The following ZMAT4 variants were observed in gnomAD, a reference collection of about 807,000 sequenced individuals.
ZMAT4 encodes the protein zinc finger matrin-type protein 4.
ZMAT4 carries 17 observed loss-of-function variants against 28.7 expected under a neutral mutation model. The ratio of observed to expected loss-of-function variants is 0.59; its 90% confidence interval spans 0.41 to 0.89. The LOEUF is 0.89. Ranked by LOEUF, ZMAT4 falls within the 40% of genes least tolerant of loss-of-function variation. The pLI is 0.00. For synonymous variants in ZMAT4, 117 were observed against 109.2 expected (o/e 1.07, Z -0.44); for missense variants, 240 against 283.8 (o/e 0.85, Z 1.11).
rs192671713 is a variant in ZMAT4, at chr8:40,806,057, A to G, written c.102+19518T>C. 4.7e-3 allele frequency among the ~76,000 whole-genome samples: 718 copies of G among 152,302 alleles called. 2 individuals carry two copies. Among genetic ancestry groups the G allele is most frequent in the African/African-American group, 0.016 (684 of 41,588 alleles). On this transcript the variant is annotated intron_variant, in intron 2 of 6. Coordinates refer to ENST00000297737, the MANE Select transcript of ZMAT4 (RefSeq NM_024645.3). ...AAAATATATCTTAATTGTTATCACG[A>G]AAAAGGGGAACATTTCATCTTTATA... is the stretch of plus-strand genomic sequence containing the variant.
At chr8:40,658,878 A>T (rs942147991) in intron 5 of ZMAT4, among the ~76,000 whole-genome samples, 1 of 151,968 alleles carries the variant, frequency 6.6e-6, no homozygotes, top group Non-Finnish European at 1.5e-5. Context: ...CTTATTCCAA[A>T]TGTTCACCTC....
At chr8:40,660,232 C>T (rs529681735) in intron 5 of ZMAT4, among the ~76,000 whole-genome samples, 2 of 152,228 alleles carry the variant, frequency 1.3e-5, no homozygotes, top group African/African-American at 4.8e-5. Flanking sequence ...CGGTAAGTAA[C>T]ATTTCTATTG....
chr8:40,563,948 A>G (rs1168219706), intron 6 of ZMAT4, among the ~76,000 whole-genome samples: 1 of 152,094 alleles, frequency 6.6e-6, no homozygotes, highest in South Asian at 2.1e-4. Flanking sequence ...GGGGAAACCA[A>G]TGAGTTTCCA....
At chr8:40,564,935 A>G (rs1803864046) in intron 6 of ZMAT4, among the ~76,000 whole-genome samples, 1 of 152,216 alleles carries the variant, frequency 6.6e-6, no homozygotes, top group Admixed American at 6.5e-5. Flanking sequence ...AGAACATTAA[A>G]GCAGTTCTTG....
chr8:40,644,283 A>G (rs1389824495), intron 5 of ZMAT4, among the ~76,000 whole-genome samples: 3 of 152,184 alleles, frequency 2.0e-5, no homozygotes, highest in African/African-American at 7.2e-5. Flanking sequence ...ATTCTCCAGA[A>G]AAAAAGGACT....
At chr8:40,869,944 T>A (rs753274241) in intron 1 of ZMAT4, among the ~76,000 whole-genome samples, 2 of 152,102 alleles carry the variant, frequency 1.3e-5, no homozygotes, top group African/African-American at 4.8e-5. Context: ...GTTTCCAATT[T>A]TCCACATGTT....
At chr8:40,857,175 G>A (rs745497151) in intron 1 of ZMAT4, among the ~76,000 whole-genome samples, 2 of 152,038 alleles carry the variant, frequency 1.3e-5, no homozygotes, top group Non-Finnish European at 2.9e-5. Context: ...TTACAAAAAA[G>A]TATATAAGAC....
chr8:40,739,011 A>C (rs774796081), intron 3 of ZMAT4, among the ~76,000 whole-genome samples: 2 of 152,262 alleles, frequency 1.3e-5, no homozygotes, highest in African/African-American at 4.8e-5. Flanking sequence ...ACCCCTGAGT[A>C]AGCACACTGG....
At chr8:40,896,901 C>T (rs995015217) in intron 1 of ZMAT4, among the ~76,000 whole-genome samples, 24 of 152,176 alleles carry the variant, frequency 1.6e-4, no homozygotes, top group African/African-American at 5.5e-4. Context: ...GGCCAGGCAC[C>T]CCTTCTGGGG....
At chr8:40,601,481 G>GAAA (rs1554525384) in intron 5 of ZMAT4, among the ~76,000 whole-genome samples, 25 of 115,068 alleles carry the variant, frequency 2.2e-4, no homozygotes, top group Non-Finnish European at 3.4e-4. Flanking sequence ...AAGAAAGAAA[G>GAAA]AAAGAAAGAA....
At chr8:40,884,020 G>A (rs1586221324) in intron 1 of ZMAT4, among the ~76,000 whole-genome samples, 1 of 152,170 alleles carries the variant, frequency 6.6e-6, no homozygotes, top group East Asian at 1.9e-4. Flanking sequence ...TAGAGACGCA[G>A]CACAACTCTC....
chr8:40,782,474 T>C (rs1392361436), intron 2 of ZMAT4, among the ~76,000 whole-genome samples: 3 of 152,144 alleles, frequency 2.0e-5, no homozygotes, highest in Non-Finnish European at 4.4e-5. Flanking sequence ...TATTTTCAAA[T>C]CATGTATCTG....
intron 5 of ZMAT4, among the ~76,000 whole-genome samples, chr8:40,648,335 T>C (rs1333575265): frequency 6.7e-6 from 1 of 148,394 alleles, no homozygotes; most frequent in African/African-American, 2.5e-5. Flanking sequence ...CAATGGAAGA[T>C]GAAATGAATG....
chr8:40,681,898 T>C (rs1809182061), intron 4 of ZMAT4, among the ~76,000 whole-genome samples: 1 of 152,060 alleles, frequency 6.6e-6, no homozygotes, highest in Non-Finnish European at 1.5e-5. Context: ...AAAAGATATG[T>C]TTTAGAAAAG....
chr8:40,611,357 C>G (rs1357163148), intron 5 of ZMAT4, among the ~76,000 whole-genome samples: 1 of 146,388 alleles, frequency 6.8e-6, no homozygotes, highest in African/African-American at 2.5e-5. Flanking sequence ...CAGAAACTCA[C>G]TTTTTTTTTT....
Position 40,680,700 on chromosome 8 carries a change from G to GCACACACACACA in ZMAT4, c.350-5770_350-5769insTGTGTGTGTGTG, listed in dbSNP as rs111761901. Among the ~76,000 whole-genome samples, 34 of 149,210 alleles carry GCACACACACACA rather than the reference G, an allele frequency of 2.3e-4. 1 individual carries two copies. The highest frequency in any genetic ancestry group is 7.7e-4 in the African/African-American group (31 of 40,456). On this transcript the variant is annotated intron_variant, in intron 4 of 6. Transcript: ENST00000297737. ...CTCTCTCTGTCTCTACATGTCTAAT[G>GCACACACACACA]TACACACACACACACACACACACAC...
At chr8:40,649,592 A>G (rs544200447) in intron 5 of ZMAT4, among the ~76,000 whole-genome samples, 1 of 152,126 alleles carries the variant, frequency 6.6e-6, no homozygotes, top group Non-Finnish European at 1.5e-5. Flanking sequence ...ACATCTACAG[A>G]ACTCTCCATC....
intron 5 of ZMAT4, among the ~76,000 whole-genome samples, chr8:40,635,518 C>T (rs960702886): frequency 3.9e-5 from 6 of 152,168 alleles, no homozygotes; most frequent in South Asian, 2.1e-4. Context: ...CTCAGGCATA[C>T]TTCTGTTCCA....
At chr8:40,550,243 G>C (rs964238518) in intron 6 of ZMAT4, among the ~76,000 whole-genome samples, 2 of 152,060 alleles carry the variant, frequency 1.3e-5, no homozygotes, top group Non-Finnish European at 2.9e-5. Flanking sequence ...CCTCCCAAAG[G>C]CCCTGCTTTC....
Sources: allele counts gnomAD v4.1 joint callset (sites outside exome capture counted in the v4.1 genomes callset), GRCh38; gene constraint gnomAD v4.1.1; transcripts MANE v1.5; gene names NCBI Gene and HGNC (gene_info 2026-07-23, HGNC 2026-07-21).